Variants in MARCHF1 observed in about 807,000 individuals in gnomAD.
MARCHF1 encodes the protein E3 ubiquitin-protein ligase MARCHF1.
In MARCHF1, 40 loss-of-function variants were observed where a neutral mutation model predicts 54.2. That is an observed-to-expected ratio of 0.74 (90% CI 0.57 to 0.96). MARCHF1 has a LOEUF of 0.96. MARCHF1 is among the 40% of genes least tolerant of loss of function. MARCHF1 has a pLI of 0.00. For missense variants in MARCHF1, 586 were observed against 656.5 expected, an observed-to-expected ratio of 0.89 and a Z score of 1.17; for synonymous variants, 236 against 236.3, an observed-to-expected ratio of 1.00 and a Z score of 0.01.
intron 2 of MARCHF1, among the ~76,000 whole-genome samples, chr4:164,107,914 A>T (rs970149991): frequency 2.6e-5 from 4 of 152,134 alleles, no homozygotes; most frequent in African/African-American, 9.7e-5. Context: ...ATCTCACTCC[A>T]TGAATCATTC....
chr4:164,052,942 C>T (rs924164935), intron 2 of MARCHF1, among the ~76,000 whole-genome samples: 8 of 152,126 alleles, frequency 5.3e-5, no homozygotes, highest in Non-Finnish European at 7.4e-5. Flanking sequence ...ATGGTGTTTA[C>T]ATCCAGATGG....
At chr4:164,131,088 C>A (rs866054316) in intron 1 of MARCHF1, among the ~76,000 whole-genome samples, 1 of 152,060 alleles carries the variant, frequency 6.6e-6, no homozygotes, top group East Asian at 1.9e-4. Flanking sequence ...GTGTATGTAA[C>A]GTATATATCC....
chr4:164,023,367 A>G (rs1408977445), intron 2 of MARCHF1, among the ~76,000 whole-genome samples: 1 of 152,162 alleles, frequency 6.6e-6, no homozygotes, highest in Non-Finnish European at 1.5e-5. Context: ...TTGCAACACA[A>G]GGAAATACAA....
chr4:163,955,691 C>T (rs550906883), intron 3 of MARCHF1, among the ~76,000 whole-genome samples: 7 of 152,246 alleles, frequency 4.6e-5, no homozygotes, highest in Admixed American at 2.6e-4. Flanking sequence ...CCTGTTACAG[C>T]ACTTATGTCA....
intron 4 of MARCHF1, among the ~76,000 whole-genome samples, chr4:163,842,145 AC>A (rs1352056251): frequency 6.6e-6 from 1 of 151,992 alleles, no homozygotes; most frequent in Admixed American, 6.6e-5. Context: ...AAACAACCTT[AC>A]CTCTTCCTCC....
chr4:163,544,883 C>A (rs199697393), intron 9 of MARCHF1, among the ~76,000 whole-genome samples: 2 of 152,206 alleles, frequency 1.3e-5, no homozygotes, highest in East Asian at 1.9e-4. Flanking sequence ...CACTGTTTTA[C>A]CACCAACGAT....
intron 1 of MARCHF1, among the ~76,000 whole-genome samples, chr4:164,128,045 A>G (rs1158831249): frequency 6.6e-6 from 1 of 152,230 alleles, no homozygotes; most frequent in Non-Finnish European, 1.5e-5. Context: ...TCATCAATAT[A>G]ATTCTGAAGA....
At chr4:163,823,249 A>G (rs1748749055) in intron 4 of MARCHF1, among the ~76,000 whole-genome samples, 2 of 151,798 alleles carry the variant, frequency 1.3e-5, no homozygotes, top group Admixed American at 1.3e-4. Flanking sequence ...TGTATGGACT[A>G]CCTCACAGCT....
chr4:164,085,191 T>C (rs1266709386), intron 2 of MARCHF1, among the ~76,000 whole-genome samples: 1 of 151,888 alleles, frequency 6.6e-6, no homozygotes, highest in Non-Finnish European at 1.5e-5. Context: ...GTGGATCTAT[T>C]ATTTGAATTA....
chr4:164,006,483 T>C (rs1290365207), intron 2 of MARCHF1, among the ~76,000 whole-genome samples: 4 of 151,718 alleles, frequency 2.6e-5, no homozygotes, highest in African/African-American at 9.7e-5. Flanking sequence ...ATATAGAAAA[T>C]TACCTCAAAT....
intron 1 of MARCHF1, among the ~76,000 whole-genome samples, chr4:164,113,271 G>T (rs1038854643): frequency 2.6e-5 from 4 of 151,940 alleles, no homozygotes; most frequent in Non-Finnish European, 4.4e-5. Context: ...CCAAACATAT[G>T]TTGTTATTGG....
At chr4:163,898,798 A>G (rs1213269003) in intron 3 of MARCHF1, among the ~76,000 whole-genome samples, 1 of 152,230 alleles carries the variant, frequency 6.6e-6, no homozygotes, top group East Asian at 1.9e-4. Flanking sequence ...GTGTCCGTCA[A>G]CGATTGACTG....
At chr4:163,984,181 G>T (rs1752817336) in intron 3 of MARCHF1, among the ~76,000 whole-genome samples, 1 of 151,838 alleles carries the variant, frequency 6.6e-6, no homozygotes, top group African/African-American at 2.4e-5. Context: ...CATTGGAAAG[G>T]CAAGTAGAAG....
chr4:163,982,581 A>G (rs1346181046), intron 3 of MARCHF1, among the ~76,000 whole-genome samples: 2 of 152,368 alleles, frequency 1.3e-5, no homozygotes, highest in Non-Finnish European at 2.9e-5. Context: ...AGCTTAAACA[A>G]TAAAGGACAT....
intron 2 of MARCHF1, among the ~76,000 whole-genome samples, chr4:164,088,431 T>A (rs768090740): frequency 2.0e-5 from 3 of 152,136 alleles, no homozygotes; most frequent in Non-Finnish European, 4.4e-5. Flanking sequence ...TCAGAAAGCA[T>A]CTGTTTAAAA....
At position 164,101,043 on chromosome 4, in the gene MARCHF1, C is replaced by T. The variant is rs919103571; in HGVS notation, c.-248+10545G>A. ...TCAGGTCACTCCCACCCGAATACTG[C>T]GCTTTTCCAATAGGCTTAAAAAACT... On this transcript the variant is annotated intron_variant, in intron 2 of 9. Transcript: ENST00000514618. Among the ~76,000 whole-genome samples the T allele has an allele frequency of 1.1e-4, 16 of 152,362 alleles. No homozygotes were observed. The East Asian group carries it at 1.4e-3, about 13-fold the overall frequency.
chr4:163,559,797 T>C (rs879899886), intron 8 of MARCHF1, among the ~76,000 whole-genome samples: 7 of 152,206 alleles, frequency 4.6e-5, no homozygotes, highest in African/African-American at 1.4e-4. Flanking sequence ...TCTCAGTGTT[T>C]ATCTGAATAA....
At chr4:164,110,920 A>G (rs1755821435) in intron 2 of MARCHF1, among the ~76,000 whole-genome samples, 1 of 151,748 alleles carries the variant, frequency 6.6e-6, no homozygotes, top group African/African-American at 2.4e-5. Context: ...TGAGATACTG[A>G]GAAGGGTCAT....
chr4:163,870,495 A>G (rs1579354620), intron 3 of MARCHF1, among the ~76,000 whole-genome samples: 1 of 152,086 alleles, frequency 6.6e-6, no homozygotes, highest in East Asian at 1.9e-4. Flanking sequence ...ATTATTTAAA[A>G]TTAATATATA....
Sources: gnomAD v4.1 joint callset for allele counts (sites outside exome capture counted in the v4.1 genomes callset) on GRCh38, gnomAD v4.1.1 for gene constraint, MANE v1.5 for transcripts, NCBI Gene and HGNC (gene_info 2026-07-23, HGNC 2026-07-21) for gene names.